DPH5: variants seen among roughly 807,000 people sequenced by gnomAD.
DPH5 encodes the protein diphthamide biosynthesis 5.
DPH5 carries 31 observed loss-of-function variants against 31.6 expected under a neutral mutation model. The observed-to-expected ratio is 0.98, with a 90% CI of 0.74 to 1.32. The LOEUF is 1.32. Ranked by LOEUF, DPH5 falls within the 40% of genes most tolerant of loss-of-function variation. The pLI, the probability that DPH5 is intolerant of heterozygous loss-of-function variation, is 0.00. For missense variants in DPH5, 309 were observed against 335.7 expected, an observed-to-expected ratio of 0.92 and a Z score of 0.62; for synonymous variants, 120 against 115.0, an observed-to-expected ratio of 1.04 and a Z score of -0.28.
chr1:100,994,837 G>A (rs1368260403), intron 6 of DPH5, among the ~76,000 whole-genome samples: 1 of 152,076 alleles, frequency 6.6e-6, no homozygotes, highest in Non-Finnish European at 1.5e-5. Context: ...TCACACCCAT[G>A]TTTTCAGAAT....
chr1:101,020,302 T>C (rs541624717), intron 3 of DPH5, among the ~76,000 whole-genome samples: 27 of 152,310 alleles, frequency 1.8e-4, no homozygotes, highest in African/African-American at 5.1e-4. Context: ...TTTAAATTCA[T>C]ACACATATTT....
At chr1:101,022,751 C>A (rs149128008) in intron 2 of DPH5, among the ~76,000 whole-genome samples, 1 of 152,126 alleles carries the variant, frequency 6.6e-6, no homozygotes, top group East Asian at 1.9e-4. Flanking sequence ...CAAATGAGTA[C>A]ATGAACAAAT....
intron 5 of DPH5, among the ~76,000 whole-genome samples, chr1:100,997,634 G>A (rs1207226457): frequency 6.6e-6 from 1 of 152,092 alleles, no homozygotes; most frequent in East Asian, 1.9e-4. Flanking sequence ...CAAAGTGCTG[G>A]GATTACAGGC....
chr1:100,997,522 C>T (rs906950880), intron 5 of DPH5, among the ~76,000 whole-genome samples: 8 of 137,302 alleles, frequency 5.8e-5, no homozygotes, highest in African/African-American at 2.0e-4. Flanking sequence ...CCTGCCACCA[C>T]GCCCGGCTAA....
At chr1:101,006,696 C>T (rs924912882) in intron 4 of DPH5, among the ~76,000 whole-genome samples, 2 of 152,020 alleles carry the variant, frequency 1.3e-5, no homozygotes, top group African/African-American at 4.8e-5. Flanking sequence ...AGAATCACTA[C>T]AAGGTCGACA....
intron 3 of DPH5, among the ~76,000 whole-genome samples, chr1:101,019,653 T>C (rs1660315741): frequency 6.6e-6 from 1 of 152,204 alleles, no homozygotes; most frequent in Non-Finnish European, 1.5e-5. Flanking sequence ...TCCACTCATA[T>C]TCCAATTAAA....
intron 4 of DPH5, chr1:101,011,760 T>C (rs1322094424): frequency 2.0e-5 from 3 of 152,156 alleles, no homozygotes; most frequent in East Asian, 3.9e-4. Context: ...AAGGGCTAGT[T>C]AACTTTCTTT....
chr1:101,013,550 T>A, intron 4 of DPH5, 160 bp downstream of exon 4: 2 of 433,892 alleles, frequency 4.6e-6, no homozygotes, highest in South Asian at 7.3e-5. Flanking sequence ...CATAAAAAAA[T>A]TAGTGTTAAA....
At chr1:101,004,354 C>T (rs762057609) in intron 4 of DPH5, among the ~76,000 whole-genome samples, 4 of 152,164 alleles carry the variant, frequency 2.6e-5, no homozygotes, top group Non-Finnish European at 5.9e-5. Context: ...ACTGAGATTG[C>T]AGAAGCCTAA....
At chr1:100,995,053 T>C in intron 6 of DPH5, 57 bp downstream of exon 6, 2 of 1,207,198 alleles carry the variant, frequency 1.7e-6, no homozygotes, top group Non-Finnish European at 1.2e-6. Context: ...AAGTAGAATG[T>C]ATTGAATTGT....
intron 3 of DPH5, among the ~76,000 whole-genome samples, chr1:101,021,440 A>G (rs971383075): frequency 6.6e-6 from 1 of 152,222 alleles, no homozygotes; most frequent in African/African-American, 2.4e-5. Flanking sequence ...GATACATATG[A>G]TGATATATTT....
chr1:100,997,645 G>A (rs113298328), intron 5 of DPH5, among the ~76,000 whole-genome samples: 6 of 152,232 alleles, frequency 3.9e-5, no homozygotes, highest in African/African-American at 1.2e-4. Context: ...GATTACAGGC[G>A]TGAGCCACCG....
At chr1:100,990,664 C>G in intron 7 of DPH5, 33 bp from the exon 8 acceptor site, 1 of 1,590,402 alleles carries the variant, frequency 6.3e-7, no homozygotes, top group Non-Finnish European at 8.6e-7. Context: ...CTATTCAATT[C>G]AGCAAATGCA....
chr1:101,025,220 A>G, intron 2 of DPH5, 89 bp downstream of exon 2: 2 of 1,512,630 alleles, frequency 1.3e-6, no homozygotes, highest in Non-Finnish European at 1.8e-6. Context: ...TTAAACAAGC[A>G]GACCTGAAAA....
intron 7 of DPH5, among the ~76,000 whole-genome samples, chr1:100,991,726 T>A (rs1360138502): frequency 7.2e-6 from 1 of 139,836 alleles, no homozygotes; most frequent in Non-Finnish European, 1.5e-5. Context: ...GAGGCAGAGG[T>A]TGCAGTGAGC....
intron 4 of DPH5, among the ~76,000 whole-genome samples, chr1:101,006,893 A>G (rs1179237456): frequency 2.0e-5 from 3 of 152,232 alleles, no homozygotes; most frequent in Admixed American, 6.5e-5. Context: ...ATGATAGGAA[A>G]TTATACAACC....
intron 2 of DPH5, among the ~76,000 whole-genome samples, chr1:101,022,528 CTTT>C (rs886462891): frequency 6.6e-6 from 1 of 151,520 alleles, no homozygotes; most frequent in Non-Finnish European, 1.5e-5. Context: ...GAATCCTTTT[CTTT>C]TTTTTCATCT....
intron 3 of DPH5, among the ~76,000 whole-genome samples, chr1:101,015,786 C>T (rs1382005705): frequency 6.6e-6 from 1 of 152,202 alleles, no homozygotes; most frequent in Non-Finnish European, 1.5e-5. Flanking sequence ...ACAGCTCATA[C>T]ATTTATGTTA....
rs765171506 is a variant in DPH5, at chr1:100,990,406, G to A, written c.*2C>T. 2.0e-5 allele frequency: 33 copies of A among 1,612,350 alleles called. No homozygotes were observed. The Admixed American group carries it at 2.2e-4, about 11-fold the overall frequency. ...ACATCAGACAATGGTAAATATCTAT[G>A]TTCAAAGTCCATTGATGCTTTGAGA... On this transcript the variant is annotated 3_prime_UTR_variant, in exon 8 of 8. Coordinates refer to ENST00000370109, the MANE Select transcript of DPH5 (RefSeq NM_015958.3).
Sources: gnomAD v4.1 joint callset for allele counts (sites outside exome capture counted in the v4.1 genomes callset) on GRCh38, gnomAD v4.1.1 for gene constraint, MANE v1.5 for transcripts, NCBI Gene and HGNC (gene_info 2026-07-23, HGNC 2026-07-21) for gene names.